ZFP69: variants seen among roughly 807,000 people sequenced by gnomAD.
The protein encoded by ZFP69 is ZFP69 zinc finger protein, also known as zinc finger protein 69 homolog.
A neutral mutation model predicts 48.9 loss-of-function variants in ZFP69; 35 were observed. The ratio of observed to expected loss-of-function variants is 0.72; its 90% CI spans 0.55 to 0.95. The LOEUF (loss-of-function observed/expected upper bound fraction) is 0.95, where lower values mean the gene tolerates loss of function less well. ZFP69 is among the 40% of genes least tolerant of loss of function. The probability of loss-of-function intolerance (pLI) is 0.00; values close to 1 mark genes in which losing one functional copy is unlikely to be tolerated. For missense variants in ZFP69, 557 were observed against 638.4 expected (o/e 0.87, Z 1.37); for synonymous variants, 193 against 216.8 (o/e 0.89, Z 0.96).
At chr1:40,483,626 G>T (rs969007769) in intron 3 of ZFP69, among the ~76,000 whole-genome samples, 1 of 152,122 alleles carries the variant, frequency 6.6e-6, no homozygotes, top group Admixed American at 6.6e-5. Flanking sequence ...ATAAATGTAG[G>T]AAGTGAAAAA....
chr1:40,489,421 C>A, intron 4 of ZFP69, 108 bp from the exon 5 acceptor site: 1 of 1,158,928 alleles, frequency 8.6e-7, no homozygotes, highest in South Asian at 1.4e-5. Flanking sequence ...GAAAGACCCA[C>A]CCCTTTCCAC....
chr1:40,480,267 ATTT>A (rs61577884), intron 2 of ZFP69, among the ~76,000 whole-genome samples: 6 of 142,652 alleles, frequency 4.2e-5, no homozygotes, highest in African/African-American at 5.1e-5. Context: ...TCTGGTTGTG[ATTT>A]TTTTTTTTTT....
intron 3 of ZFP69, among the ~76,000 whole-genome samples, chr1:40,483,226 A>ATT (rs56706952): frequency 2.7e-4 from 32 of 116,958 alleles, no homozygotes; most frequent in South Asian, 5.7e-4. Context: ...ACCTTTTTTA[A>ATT]TTTTTTTTTT....
At chr1:40,494,131 C>T (rs1331931268) in intron 5 of ZFP69, among the ~76,000 whole-genome samples, 1 of 151,928 alleles carries the variant, frequency 6.6e-6, no homozygotes, top group East Asian at 1.9e-4. Context: ...AGGGAAACAT[C>T]TTCCTTTTAT....
At chr1:40,494,256 A>ATT (rs11286167) in intron 5 of ZFP69, among the ~76,000 whole-genome samples, 3,957 of 51,608 alleles carry the variant, frequency 0.077, 323 homozygotes, top group Non-Finnish European at 0.088. Flanking sequence ...AAGATTCAAA[A>ATT]TTTTTTTTTT....
intron 3 of ZFP69, among the ~76,000 whole-genome samples, chr1:40,488,040 CAA>C (rs559767416): frequency 3.3e-4 from 21 of 63,856 alleles, no homozygotes; most frequent in Middle Eastern, 0.019. Flanking sequence ...GACTCTGTCT[CAA>C]AAAAAAAAAA....
intron 1 of ZFP69, among the ~76,000 whole-genome samples, chr1:40,478,504 T>TG (rs1475242085): frequency 3.3e-5 from 5 of 152,194 alleles, no homozygotes; most frequent in African/African-American, 1.2e-4. Context: ...TCACTGCTTG[T>TG]TCATGCCAAA....
At position 40,495,383 on chromosome 1, in the gene ZFP69, A is replaced by G. The variant is rs1210498170; in HGVS notation, c.905A>G (p.Lys302Arg). The G allele has an allele frequency of 6.2e-7, 1 of 1,614,216 alleles. No homozygotes were observed. The highest frequency in any genetic ancestry group is 8.5e-7 in the Non-Finnish European group (1 of 1,180,042). The change falls in exon 6 of 6, where the codon AAG becomes AGG. Residue 302 changes from lysine (K) to arginine (R), a missense_variant. By Grantham distance (26) the Lys-to-Arg change is conservative. Transcript: ENST00000372706. ...IHTGEKPFRC[K>R]ECGRAFSQSA... Reference sequence around the variant, plus strand: ...ACTGGTGAGAAACCTTTCAGATGTAAGGAATGTGGAAGGGCCTTTAGTCAA... The same window carrying G: ...ACTGGTGAGAAACCTTTCAGATGTAGGGAATGTGGAAGGGCCTTTAGTCAA...
chr1:40,479,024 A>C lies in ZFP69; in HGVS notation c.-326-12A>C. On this transcript the variant is annotated splice_polypyrimidine_tract_variant and intron_variant, in intron 1 of 5. Coordinates refer to ENST00000372706, the MANE Select transcript of ZFP69 (RefSeq NM_001320179.2). ...TTTTGGGTATTTTGCAGTTTTAAAT[A>C]TATTTCTGCAGATTCTGGAGTTCTG... 2 of 252,546 alleles carry C rather than the reference A, an allele frequency of 7.9e-6. No individual in the cohort carries two copies. The highest frequency in any genetic ancestry group is 9.1e-5 in the South Asian group (2 of 21,970). The allele number at this position is 252,546 out of a possible 1,614,324, so 15.6% of individuals were successfully genotyped here.
intron 3 of ZFP69, among the ~76,000 whole-genome samples, chr1:40,485,118 C>T (rs930728468): frequency 6.6e-6 from 1 of 151,748 alleles, no homozygotes; most frequent in African/African-American, 2.4e-5. Context: ...GTCTCGAAAT[C>T]CTGACCTCAG....
intron 3 of ZFP69, among the ~76,000 whole-genome samples, chr1:40,482,324 A>G (rs1272268404): frequency 6.6e-6 from 1 of 152,146 alleles, no homozygotes; most frequent in Non-Finnish European, 1.5e-5. Flanking sequence ...AGGAGAAGTG[A>G]GTAGAAAAGA....
At chr1:40,480,807 A>G (rs996518846) in intron 2 of ZFP69, among the ~76,000 whole-genome samples, 22 of 152,210 alleles carry the variant, frequency 1.4e-4, no homozygotes, top group Admixed American at 1.2e-3. Flanking sequence ...TAGAGGCCCA[A>G]TTTTAATCAT....
chr1:40,496,164 C>T lies in ZFP69; in HGVS notation c.*105C>T, dbSNP rs1645633852. 2.5e-6 allele frequency: 3 copies of T among 1,216,104 alleles called. No individual in the cohort carries two copies. The highest frequency in any genetic ancestry group is 2.5e-5 in the Admixed American group (1 of 40,330). The allele number at this position is 1,216,104 out of a possible 1,614,324, so 75.3% of individuals were successfully genotyped here. ...TGAGGAATTGATGTAATGATGCCAA[C>T]TTTTAATTTTTCCCATTGTAAATAA... On this transcript the variant is annotated 3_prime_UTR_variant, in exon 6 of 6. Transcript: ENST00000372706.
intron 5 of ZFP69, among the ~76,000 whole-genome samples, chr1:40,491,915 G>A (rs1645573281): frequency 6.6e-6 from 1 of 151,942 alleles, no homozygotes; most frequent in Non-Finnish European, 1.5e-5. Flanking sequence ...CAAAATTAGT[G>A]TCTTTTGTTA....
At chr1:40,488,855 T>G (rs1413218075) in intron 3 of ZFP69, among the ~76,000 whole-genome samples, 1 of 152,128 alleles carries the variant, frequency 6.6e-6, no homozygotes, top group Non-Finnish European at 1.5e-5. Flanking sequence ...ACCATCTGTC[T>G]TTCTATATAT....
intron 2 of ZFP69, among the ~76,000 whole-genome samples, chr1:40,480,519 G>A (rs1645433413): frequency 6.6e-6 from 1 of 150,898 alleles, no homozygotes; most frequent in Admixed American, 6.6e-5. Context: ...TAGGAACACA[G>A]TTAGATGCCT....
At chr1:40,494,255 A>ATTTTTTTTTTTTTTTTT in intron 5 of ZFP69, among the ~76,000 whole-genome samples, 1 of 123,856 alleles carries the variant, frequency 8.1e-6, no homozygotes, top group Non-Finnish European at 1.6e-5. Flanking sequence ...AAAGATTCAA[A>ATTTTTTTTTTTTTTTTT]ATTTTTTTTT....
chr1:40,492,752 C>T (rs1455178592), intron 5 of ZFP69, among the ~76,000 whole-genome samples: 4 of 152,154 alleles, frequency 2.6e-5, no homozygotes, highest in African/African-American at 9.7e-5. Flanking sequence ...TATAGCACTC[C>T]ATTTATTGAT....
At position 40,479,401 on chromosome 1, in the gene ZFP69, A is replaced by G; in HGVS notation, c.40A>G (p.Ser14Gly). 1 of 1,614,134 alleles carries G rather than the reference A, an allele frequency of 6.2e-7. No homozygotes were observed. Residue 14 changes from serine (S) to glycine (G), a missense_variant, in exon 2 of 6, where the codon AGC (serine) becomes GGC (glycine). Transcript: ENST00000372706. ...CCTGATCACCCTGCCTACCGAGGCCAGCACCTGGGTGAAGCTGCAACATCC... is the reference window on the plus strand; with the variant it reads ...CCTGATCACCCTGCCTACCGAGGCCGGCACCTGGGTGAAGCTGCAACATCC... ...QLLITLPTEA[S>G]TWVKLQHPKK...
Sources: allele counts gnomAD v4.1 joint callset (sites outside exome capture counted in the v4.1 genomes callset), GRCh38; gene constraint gnomAD v4.1.1; transcripts MANE v1.5; gene names NCBI Gene and HGNC (gene_info 2026-07-23, HGNC 2026-07-21).